The following PTPRO variants were observed in gnomAD, a reference collection of about 807,000 sequenced individuals.
PTPRO encodes the protein receptor-type tyrosine-protein phosphatase O.
Under a neutral mutation model 145.2 loss-of-function variants are expected in PTPRO, and 62 were observed. The ratio of observed to expected loss-of-function variants is 0.43; its 90% CI spans 0.35 to 0.53. The LOEUF is 0.53. Among genes scored for constraint, PTPRO ranks in the 20% least tolerant of loss-of-function variants. The pLI is 0.01. For synonymous variants in PTPRO, 565 were observed against 514.7 expected, an observed-to-expected ratio of 1.10 and a Z score of -1.32; for missense variants, 1,345 against 1,482.7, an observed-to-expected ratio of 0.91 and a Z score of 1.53.
At chr12:15,351,335 A>G (rs1214832957) in intron 1 of PTPRO, among the ~76,000 whole-genome samples, 3 of 152,190 alleles carry the variant, frequency 2.0e-5, no homozygotes, top group Admixed American at 6.5e-5. Flanking sequence ...TCTTATAGGA[A>G]TTGCTCTTTC....
In PTPRO at chr12:15,597,784, C is replaced by T. The variant is rs868310892; in HGVS notation, c.*1711C>T. Among the ~76,000 whole-genome samples, 3 of 152,178 alleles carry T rather than the reference C, an allele frequency of 2.0e-5. No individual in the cohort carries two copies. Among genetic ancestry groups the T allele is most frequent in the Non-Finnish European group, 2.9e-5 (2 of 68,036 alleles). On this transcript the variant is annotated 3_prime_UTR_variant, in exon 27 of 27. Transcript: ENST00000281171. ...CCTGCTACCACCTCCTCCTCTTCTT[C>T]TCACCCCCGACTCCTTTATTTCCCT... is the stretch of plus-strand genomic sequence containing the variant.
rs540081228 is a variant in PTPRO, at chr12:15,497,260, C to G, written c.365C>G (p.Thr122Ser). The change falls in exon 3 of 27, where the codon ACC becomes AGC. Residue 122 changes from threonine to serine, a missense_variant. This residue lies in a region of PTPRO where 1,130 missense variants were observed against 1,214.7 expected (regional missense o/e 0.93). Transcript: ENST00000281171. ...ACTTCTGTAGAACCTCTACCTGTAA[C>G]CAGTGTTTCCATATATGACTATAAA... ...ITVLTKPLPV[T>S]SVSIYDYKPS... is the part of the protein sequence containing the mutation. 6.4e-7 allele frequency: 1 copy of G among 1,573,834 alleles called. No homozygotes were observed. The highest frequency in any genetic ancestry group is 8.7e-7 in the Non-Finnish European group (1 of 1,143,996).
intron 7 of PTPRO, among the ~76,000 whole-genome samples, chr12:15,512,127 G>T (rs7313060): frequency 0.69 from 104,353 of 151,340 alleles, 36,319 homozygotes; most frequent in Admixed American, 0.74. Context: ...TTTTGGGGGG[G>T]TTATTGAGAT....
chr12:15,526,257 A>T lies in PTPRO; in HGVS notation c.2159A>T (p.Lys720Met), dbSNP rs1316769798. The T allele has an allele frequency of 1.9e-6, 3 of 1,613,980 alleles. No individual in the cohort carries two copies. Among genetic ancestry groups the T allele is most frequent in the Non-Finnish European group, 2.5e-6 (3 of 1,179,902 alleles). ...AATACCTCCATGCTCCGCCTTGTCAAGCTAGGTAAGAAGAGTGCACAGAGA... is the reference window on the plus strand; with the variant it reads ...AATACCTCCATGCTCCGCCTTGTCATGCTAGGTAAGAAGAGTGCACAGAGA... ...GSNTSMLRLV[K>M]LEPAPPKSLF... Residue 720 changes from lysine (K) to methionine (M), a missense_variant, in exon 12 of 27, where the codon AAG becomes ATG. Around this residue, in one of 3 missense-constraint regions of PTPRO, gnomAD observed 1,130 missense variants for 1,214.7 expected, o/e 0.93. Transcript: ENST00000281171.
chr12:15,558,309 C>G (rs1290585000), intron 16 of PTPRO, among the ~76,000 whole-genome samples: 1 of 152,146 alleles, frequency 6.6e-6, no homozygotes, highest in African/African-American at 2.4e-5. Context: ...AGTTGTACAG[C>G]CCAGTATTCA....
chr12:15,502,586 A>G (rs375713543), intron 5 of PTPRO, among the ~76,000 whole-genome samples: 2 of 152,188 alleles, frequency 1.3e-5, no homozygotes, highest in African/African-American at 4.8e-5. Flanking sequence ...AGTTTTCCAA[A>G]GAGAAGCTGA....
chr12:15,561,746 A>C (rs1943777596), intron 17 of PTPRO, among the ~76,000 whole-genome samples: 1 of 152,192 alleles, frequency 6.6e-6, no homozygotes, highest in South Asian at 2.1e-4. Context: ...GCCTACCATT[A>C]AAATACTAAC....
intron 1 of PTPRO, among the ~76,000 whole-genome samples, chr12:15,366,844 C>T (rs770842543): frequency 6.6e-6 from 1 of 152,026 alleles, no homozygotes; most frequent in African/African-American, 2.4e-5. Flanking sequence ...AGACTACATG[C>T]TGAATTCAGG....
At position 15,546,412 on chromosome 12, in the gene PTPRO, C is replaced by A. The variant is rs762842224; in HGVS notation, c.2165-157C>A. 882 of 1,449,568 alleles carry A rather than the reference C, an allele frequency of 6.1e-4. 1 individual carries two copies. Among genetic ancestry groups the A allele is most frequent in the Middle Eastern group, 2.0e-3 (8 of 3,962 alleles). The allele number at this position is 1,449,568 out of a possible 1,614,324, so 89.8% of individuals were successfully genotyped here. A position where few individuals can be genotyped will look rare whatever the true frequency, so the allele number is the denominator to read the frequency against. ...TCTGCCTTCCAAGTTAGATAGCTATCTTTATGAAAGGACATATTTCAAAGG... is the reference window on the plus strand; with the variant it reads ...TCTGCCTTCCAAGTTAGATAGCTATATTTATGAAAGGACATATTTCAAAGG... On this transcript the variant is annotated intron_variant, in intron 12 of 26. Transcript: ENST00000281171.
chr12:15,420,616 A>G (rs1940118066), intron 1 of PTPRO, among the ~76,000 whole-genome samples: 1 of 151,840 alleles, frequency 6.6e-6, no homozygotes, highest in Non-Finnish European at 1.5e-5. Flanking sequence ...TACTATATGT[A>G]AATTATTTAG....
chr12:15,522,383 A>C (rs1343803686), intron 10 of PTPRO, among the ~76,000 whole-genome samples: 9 of 151,864 alleles, frequency 5.9e-5, no homozygotes. Flanking sequence ...CCCCGCATAC[A>C]TTAGGTATTT....
At chr12:15,579,296 G>A (rs1242378488) in intron 20 of PTPRO, among the ~76,000 whole-genome samples, 4 of 152,174 alleles carry the variant, frequency 2.6e-5, no homozygotes, top group African/African-American at 9.7e-5. Flanking sequence ...GGAAGGCGAT[G>A]CAGTATATTA....
chr12:15,466,518 G>T (rs1296656547), intron 1 of PTPRO, among the ~76,000 whole-genome samples: 2 of 152,146 alleles, frequency 1.3e-5, no homozygotes, highest in African/African-American at 4.8e-5. Context: ...GTTTTGCAAT[G>T]CCTATAATGG....
chr12:15,477,979 G>A (rs1183196789), intron 1 of PTPRO, among the ~76,000 whole-genome samples: 1 of 152,160 alleles, frequency 6.6e-6, no homozygotes, highest in African/African-American at 2.4e-5. Context: ...TGCTGGCACT[G>A]CCCTGCTCCA....
In PTPRO at chr12:15,442,989, A is replaced by G. The variant is rs188801764; in HGVS notation, c.76-40985A>G. On this transcript the variant is annotated intron_variant, in intron 1 of 26. Transcript: ENST00000281171. ...AAAAAAACTATTCTAAAATTTATAC[A>G]GACCAAAAAAGAGCCCAAATAGTCT... Among the ~76,000 whole-genome samples, 915 of 152,246 alleles carry G rather than the reference A, an allele frequency of 6.0e-3. 7 individuals carry two copies. Among genetic ancestry groups the G allele is most frequent in the African/African-American group, 0.021 (884 of 41,558 alleles).
intron 7 of PTPRO, among the ~76,000 whole-genome samples, chr12:15,510,888 C>G (rs1237556280): frequency 6.6e-6 from 1 of 150,918 alleles, no homozygotes; most frequent in Non-Finnish European, 1.5e-5. Context: ...CCATCATATA[C>G]AGGTGCAGTG....
intron 13 of PTPRO, among the ~76,000 whole-genome samples, chr12:15,548,857 C>T (rs1357332746): frequency 1.3e-5 from 2 of 151,992 alleles, no homozygotes; most frequent in Non-Finnish European, 2.9e-5. Context: ...TTCATACATC[C>T]ATAAAATGCA....
chr12:15,499,508 T>G lies in PTPRO; in HGVS notation c.575T>G (p.Phe192Cys). 3 of 1,613,566 alleles carry G rather than the reference T, an allele frequency of 1.9e-6. No individual in the cohort carries two copies. Among genetic ancestry groups the G allele is most frequent in the Non-Finnish European group, 2.5e-6 (3 of 1,179,520 alleles). The change falls in exon 4 of 27, where the codon TTT becomes TGT. Residue 192 changes from phenylalanine to cysteine, a missense_variant. By Grantham distance (205) the Phe-to-Cys change is radical (BLOSUM62 -2). Around this residue, in one of 3 missense-constraint regions of PTPRO, gnomAD observed 1,130 missense variants for 1,214.7 expected, o/e 0.93. Transcript: ENST00000281171. ...GGAATGTGTTATAGTAATATCACCT[T>G]TCAGCTGGTATCTGAGGCAACTTTT... ...LPGMCYSNIT[F>C]QLVSEATFNK...
intron 1 of PTPRO, among the ~76,000 whole-genome samples, chr12:15,470,503 A>G (rs1941514888): frequency 6.6e-6 from 1 of 151,806 alleles, no homozygotes; most frequent in Admixed American, 6.6e-5. Flanking sequence ...TCTTTTTGGC[A>G]GAACAATTTC....
Sources: allele counts gnomAD v4.1 joint callset (sites outside exome capture counted in the v4.1 genomes callset), GRCh38; gene constraint gnomAD v4.1.1; regional missense constraint gnomAD v4.1.1; transcripts MANE v1.5; gene names NCBI Gene and HGNC (gene_info 2026-07-23, HGNC 2026-07-21).